PIMREG: variants seen among roughly 807,000 people sequenced by gnomAD.
PIMREG encodes the protein PICALM interacting mitotic regulator, also known as protein PIMREG.
A neutral mutation model predicts 24.3 loss-of-function variants in PIMREG; 19 were observed. The ratio of observed to expected loss-of-function variants is 0.78; its 90% CI spans 0.54 to 1.15. The LOEUF (loss-of-function observed/expected upper bound fraction) is 1.15. Ranked by LOEUF, PIMREG falls within the 50% of genes most tolerant of loss-of-function variation. The probability of loss-of-function intolerance (pLI) is 0.00; values close to 1 mark genes in which losing one functional copy is unlikely to be tolerated. For synonymous variants in PIMREG, 112 were observed against 124.1 expected, an observed-to-expected ratio of 0.90 and a Z score of 0.65; for missense variants, 283 against 306.8, an observed-to-expected ratio of 0.92 and a Z score of 0.58.
chr17:6,450,493 C>A lies in PIMREG; in HGVS notation c.*146C>A, dbSNP rs1231318721. On this transcript the variant is annotated 3_prime_UTR_variant, in exon 6 of 6. Transcript: ENST00000572447. ...CTGCTAACAAGCACCTAACAAGGGG[C>A]CCAGAGCCCCCTGCTCCAGCCACAT... The A allele has an allele frequency of 8.2e-7, 1 of 1,219,208 alleles. No individual in the cohort carries two copies. Among genetic ancestry groups the A allele is most frequent in the Non-Finnish European group, 1.1e-6 (1 of 871,534 alleles). 75.5% of individuals were successfully genotyped at this position (1,219,208 alleles called of 1,614,324 possible).
intron 3 of PIMREG, among the ~76,000 whole-genome samples, chr17:6,448,129 C>T (rs943311813): frequency 6.6e-6 from 1 of 151,426 alleles, no homozygotes; most frequent in Non-Finnish European, 1.5e-5. Flanking sequence ...ACTAAAAATA[C>T]AAAATTGGCT....
At chr17:6,447,889 G>C in intron 3 of PIMREG, 131 bp downstream of exon 3, 11 of 860,356 alleles carry the variant, frequency 1.3e-5, no homozygotes, top group Non-Finnish European at 2.0e-5. Context: ...CCTGGAGCCA[G>C]GGGCACCCTG....
chr17:6,444,975 C>G lies in PIMREG; in HGVS notation c.-35-101C>G. ...TACCAACTCGCCCGCCCCCGCCACC[C>G]CGCTGCATCCCGTCTCTTCCCCTGT... On this transcript the variant is annotated intron_variant, in intron 1 of 5. Coordinates refer to ENST00000572447, the MANE Select transcript of PIMREG (RefSeq NM_019013.3). The surrounding 1 kb of genome is among the most constrained non-coding windows in gnomAD (Gnocchi z 4.3). The G allele has an allele frequency of 1.0e-6, 1 of 976,766 alleles. No individual in the cohort carries two copies. The highest frequency in any genetic ancestry group is 1.4e-6 in the Non-Finnish European group (1 of 702,618). 60.5% of individuals were successfully genotyped at this position (976,766 alleles called of 1,614,324 possible). A position where few individuals can be genotyped will look rare whatever the true frequency, so the allele number is the denominator to read the frequency against.
chr17:6,447,190 C>A (rs1174068607), intron 2 of PIMREG, among the ~76,000 whole-genome samples: 1 of 152,070 alleles, frequency 6.6e-6, no homozygotes, highest in Non-Finnish European at 1.5e-5. Flanking sequence ...CGGCTCACTG[C>A]AACCTCCGCC....
rs1393730739 is a variant in PIMREG at position 6,447,764 on chromosome 17, T to A, written c.590+6T>A. On this transcript the variant is annotated splice_donor_region_variant and intron_variant, in intron 3 of 5. Coordinates refer to ENST00000572447, the MANE Select transcript of PIMREG (RefSeq NM_019013.3). ...GAGCCCCTCTGCTCTCCCAGGCAAGTGGGATAGTGCTTCACCCCGGGGCTG... is the reference window on the plus strand; with the variant it reads ...GAGCCCCTCTGCTCTCCCAGGCAAGAGGGATAGTGCTTCACCCCGGGGCTG... 5.6e-6 allele frequency: 9 copies of A among 1,594,202 alleles called. No individual in the cohort carries two copies. Among genetic ancestry groups the A allele is most frequent in the Non-Finnish European group, 7.7e-6 (9 of 1,166,700 alleles).
intron 2 of PIMREG, among the ~76,000 whole-genome samples, chr17:6,445,735 T>C (rs1393170332): frequency 6.6e-6 from 1 of 151,924 alleles, no homozygotes; most frequent in East Asian, 1.9e-4. Flanking sequence ...CCAGAGGAGG[T>C]GATTCCAGAG....
Position 6,447,476 on chromosome 17 carries a change from C to G in PIMREG, c.308C>G (p.Ser103Cys), listed in dbSNP as rs535718766. 1.3e-5 allele frequency: 21 copies of G among 1,613,812 alleles called. No homozygotes were observed. Among genetic ancestry groups the G allele is most frequent in the Non-Finnish European group, 1.8e-5 (21 of 1,179,754 alleles). The change falls in exon 3 of 6, where the codon TCC becomes TGC. Residue 103 changes from serine to cysteine, a missense_variant. Transcript: ENST00000572447. Reference protein sequence around the residue: ...LGAVSQRIQESCQSGTKWLVE... With the variant: ...LGAVSQRIQECCQSGTKWLVE... ...TGCCTGTTCCAGAGAATCCAGGAGT[C>G]CTGCCAAAGTGGCACCAAGTGGCTG...
rs111391756 is a variant in PIMREG at position 6,444,467 on chromosome 17, T to C, written c.-57T>C. On this transcript the variant is annotated 5_prime_UTR_variant, in exon 1 of 6. Coordinates refer to ENST00000572447, the MANE Select transcript of PIMREG (RefSeq NM_019013.3). This position sits in a 1 kb window ranked among gnomAD's most constrained non-coding sequence, Gnocchi z 4.3. Reference sequence around the variant, plus strand: ...GCGAGGAGCAGCTGTGCTGCGGCTGTGCTCGGCCTTAGTGGTGTCGGGTGA... The same window carrying C: ...GCGAGGAGCAGCTGTGCTGCGGCTGCGCTCGGCCTTAGTGGTGTCGGGTGA... The C allele has an allele frequency of 6.3e-3, 969 of 153,420 alleles. 15 individuals are homozygous for C. Among genetic ancestry groups the C allele is most frequent in the African/African-American group, 0.022 (925 of 41,592 alleles). The allele number at this position is 153,420 out of a possible 1,614,324, so 9.5% of individuals were successfully genotyped here. A position where few individuals can be genotyped will look rare whatever the true frequency, so the allele number is the denominator to read the frequency against.
chr17:6,449,528 T>C, intron 4 of PIMREG, 121 bp downstream of exon 4: 1 of 1,056,616 alleles, frequency 9.5e-7, no homozygotes, highest in Non-Finnish European at 1.3e-6. Flanking sequence ...TCTGCCCCTC[T>C]CTGGGCCTCA....
chr17:6,444,689 G>C lies in PIMREG; in HGVS notation c.-36+201G>C, dbSNP rs1378824207. ...AGTCGGATCGAAATCGGGGCGTCTG[G>C]TGGGAAGGCCGGGGTCTGGGCGGGT... is the stretch of plus-strand genomic sequence containing the variant. On this transcript the variant is annotated intron_variant, in intron 1 of 5. Transcript: ENST00000572447. This position sits in a 1 kb window ranked among gnomAD's most constrained non-coding sequence, Gnocchi z 4.3. Among the ~76,000 whole-genome samples the C allele has an allele frequency of 5.3e-5, 8 of 152,100 alleles. No individual in the cohort carries two copies. Among genetic ancestry groups the C allele is most frequent in the Admixed American group, 5.2e-4 (8 of 15,262 alleles).
At chr17:6,449,524 C>T (rs887554718) in intron 4 of PIMREG, 117 bp downstream of exon 4, 3 of 1,047,908 alleles carry the variant, frequency 2.9e-6, no homozygotes, top group Non-Finnish European at 4.0e-6. Flanking sequence ...AGTCTCTGCC[C>T]CTCTCTGGGC....
intron 4 of PIMREG, chr17:6,449,784 T>C: frequency 2.8e-6 from 4 of 1,416,652 alleles, no homozygotes; most frequent in Non-Finnish European, 3.7e-6. Context: ...TCCTGGTCTG[T>C]CTGCTCATGG....
chr17:6,450,432 A>C lies in PIMREG; in HGVS notation c.*85A>C. On this transcript the variant is annotated 3_prime_UTR_variant, in exon 6 of 6. Transcript: ENST00000572447. ...CTATGCTTCCCCGTGAGCTTCCTGG[A>C]AAAAACCCCCGGGAGTCGTCAGTAC... 7 of 1,567,200 alleles carry C rather than the reference A, an allele frequency of 4.5e-6. No homozygotes were observed. Among genetic ancestry groups the C allele is most frequent in the Non-Finnish European group, 6.0e-6 (7 of 1,164,076 alleles).
At position 6,447,514 on chromosome 17, in the gene PIMREG, G is replaced by C. The variant is rs150484121; in HGVS notation, c.346G>C (p.Val116Leu). ...CACCAAGTGGCTGGTGGAGACCCAG[G>C]TGAAGGCCAGGAGGCGGAAGAGAGG... ...SGTKWLVETQ[V>L]KARRRKRGAQ... The change falls in exon 3 of 6, where the codon GTG becomes CTG. Residue 116 changes from valine (V) to leucine (L), a missense_variant. Transcript: ENST00000572447. The C allele has an allele frequency of 3.5e-4, 559 of 1,614,098 alleles. 1 individual carries two copies. Among genetic ancestry groups the C allele is most frequent in the Middle Eastern group, 3.3e-3 (20 of 6,056 alleles).
intron 2 of PIMREG, among the ~76,000 whole-genome samples, chr17:6,445,902 A>C (rs1913552291): frequency 6.6e-6 from 1 of 152,236 alleles, no homozygotes; most frequent in South Asian, 2.1e-4. Context: ...GATGACAGAG[A>C]GCAAGGTAGA....
Position 6,447,565 on chromosome 17 carries a change from A to G in PIMREG, c.397A>G (p.Thr133Ala), listed in dbSNP as rs139220217. 8 of 1,613,898 alleles carry G rather than the reference A, an allele frequency of 5.0e-6. No individual in the cohort carries two copies. The highest frequency in any genetic ancestry group is 4.5e-5 in the East Asian group (2 of 44,886). Residue 133 changes from threonine to alanine, a missense_variant, in exon 3 of 6, where the codon ACT becomes GCT. Thr to Ala is a moderately conservative substitution (Grantham distance 58). Transcript: ENST00000572447. The part of the protein sequence containing the change: ...RGAQKGSGSP[T>A]HSLSQKSTRL... ...AGCACAGAAGGGCAGTGGATCCCCA[A>G]CTCACAGCCTGAGCCAGAAGAGCAC...
Position 6,445,211 on chromosome 17 carries a change from G to C in PIMREG, c.101G>C (p.Ser34Thr). 1 of 1,613,852 alleles carries C rather than the reference G, an allele frequency of 6.2e-7. No individual in the cohort carries two copies. The highest frequency in any genetic ancestry group is 1.1e-5 in the South Asian group (1 of 91,058). The change falls in exon 2 of 6, where the codon AGC (serine) becomes ACC (threonine). Residue 34 changes from serine to threonine, a missense_variant. Physicochemically the swap from Ser to Thr is moderately conservative, Grantham distance 58. Transcript: ENST00000572447. ...AGCAAGGAGCTGCAGCCTGTGGTCA[G>C]CCATCAGGAGACCTCTGTAGGGGCC... Reference protein sequence around the residue: ...EDSKELQPVVSHQETSVGALG... With the variant: ...EDSKELQPVVTHQETSVGALG...
chr17:6,448,282 CAAA>C (rs71154695), intron 3 of PIMREG, among the ~76,000 whole-genome samples: 107 of 41,306 alleles, frequency 2.6e-3, no homozygotes, highest in Admixed American at 8.3e-3. Flanking sequence ...GACCCTGTCT[CAAA>C]AAAAAAAAAA....
chr17:6,450,245 G>GA, intron 5 of PIMREG, 117 bp from the exon 6 acceptor site: 2 of 1,165,764 alleles, frequency 1.7e-6, no homozygotes, highest in Non-Finnish European at 2.4e-6. Context: ...ACAGCACGCT[G>GA]GGGGCCCCAA....
Sources: allele counts gnomAD v4.1 joint callset (sites outside exome capture counted in the v4.1 genomes callset), GRCh38; gene constraint gnomAD v4.1.1; non-coding constraint Gnocchi (gnomAD v3.1); transcripts MANE v1.5; gene names NCBI Gene and HGNC (gene_info 2026-07-23, HGNC 2026-07-21).